RREB1: variants seen among roughly 807,000 people sequenced by gnomAD.
RREB1 encodes the protein ras-responsive element-binding protein 1.
In RREB1, 27 loss-of-function variants were observed where a neutral mutation model predicts 117.8. That is an observed-to-expected ratio of 0.23 (90% CI 0.17 to 0.32). The LOEUF (loss-of-function observed/expected upper bound fraction) is 0.32. RREB1 is among the 10% of genes least tolerant of loss of function. The pLI is 1.00. For missense variants in RREB1, 2,577 were observed against 2,378.2 expected (o/e 1.08, Z -1.74); for synonymous variants, 1,298 against 1,026.7 (o/e 1.26, Z -5.05).
intron 10 of RREB1, among the ~76,000 whole-genome samples, chr6:7,237,399 A>T (rs796896213): frequency 0.034 from 4,783 of 142,140 alleles, 216 homozygotes; most frequent in African/African-American, 0.11. Context: ...TTTTTTTATT[A>T]TTATTTGTTA....
At chr6:7,205,979 T>C (rs1284661197) in intron 6 of RREB1, among the ~76,000 whole-genome samples, 1 of 152,230 alleles carries the variant, frequency 6.6e-6, no homozygotes, top group Non-Finnish European at 1.5e-5. Flanking sequence ...ATATTTGTGT[T>C]CGTTCATCAC....
chr6:7,127,892 A>C (rs1223070541), intron 1 of RREB1, among the ~76,000 whole-genome samples: 2 of 151,834 alleles, frequency 1.3e-5, no homozygotes, highest in African/African-American at 4.8e-5. Context: ...CACCCCCTTC[A>C]CTGCAGCTGA....
At chr6:7,146,796 G>T (rs1762885254) in intron 1 of RREB1, among the ~76,000 whole-genome samples, 2 of 151,516 alleles carry the variant, frequency 1.3e-5, no homozygotes, top group South Asian at 4.2e-4. Context: ...AGGAGGTGGT[G>T]GGGGAGGGAG....
intron 8 of RREB1, among the ~76,000 whole-genome samples, chr6:7,220,795 C>T (rs970311964): frequency 6.6e-6 from 1 of 152,222 alleles, no homozygotes; most frequent in African/African-American, 2.4e-5. Flanking sequence ...TCTTTATGAG[C>T]CCCTGGCAGA....
At chr6:7,240,169 T>C (rs774530805) in intron 10 of RREB1, among the ~76,000 whole-genome samples, 3 of 152,212 alleles carry the variant, frequency 2.0e-5, no homozygotes, top group Non-Finnish European at 4.4e-5. Flanking sequence ...TGTAATACCG[T>C]TGTTTTACTT....
intron 8 of RREB1, among the ~76,000 whole-genome samples, chr6:7,222,245 C>A (rs1302499259): frequency 6.6e-6 from 1 of 152,182 alleles, no homozygotes; most frequent in Non-Finnish European, 1.5e-5. Context: ...TATACAGATT[C>A]TTAGGCCCAT....
intron 1 of RREB1, among the ~76,000 whole-genome samples, chr6:7,117,898 C>T (rs1204842032): frequency 6.6e-6 from 1 of 151,712 alleles, no homozygotes; most frequent in East Asian, 1.9e-4. Context: ...TTTAAAAAAG[C>T]AAAAAGAAGA....
intron 6 of RREB1, among the ~76,000 whole-genome samples, chr6:7,190,768 T>C (rs1005341607): frequency 6.6e-6 from 1 of 152,254 alleles, no homozygotes; most frequent in African/African-American, 2.4e-5. Context: ...CTGCTCGTTC[T>C]ACACCCCACA....
chr6:7,212,032 A>G (rs959820283), intron 8 of RREB1: 1 of 325,708 alleles, frequency 3.1e-6, no homozygotes, highest in African/African-American at 2.1e-5. Flanking sequence ...TTTTCTTCGC[A>G]AAAGATGTTG....
intron 1 of RREB1, among the ~76,000 whole-genome samples, chr6:7,162,687 A>G (rs935043644): frequency 1.3e-5 from 2 of 152,062 alleles, no homozygotes; most frequent in Admixed American, 6.5e-5. Context: ...ACAGTATAGA[A>G]TATTTTAAGC....
rs763825737 is a variant in RREB1 at position 7,211,676 on chromosome 6, C to A, written c.674C>A (p.Thr225Asn). 1 of 1,613,966 alleles carries A rather than the reference C, an allele frequency of 6.2e-7. No homozygotes were observed. The highest frequency in any genetic ancestry group is 2.2e-5 in the East Asian group (1 of 44,884). The change falls in exon 8 of 13, where the codon ACC (threonine) becomes AAC (asparagine). Residue 225 changes from threonine to asparagine, a missense_variant. Physicochemically the swap from Thr to Asn is moderately conservative, Grantham distance 65 (BLOSUM62 0). Transcript: ENST00000379938. ...TTTGTTTGCAAGTATGGACTGGAGA[C>A]CCACATGGAGACCCATTCAGATAAC... The part of the protein sequence containing the change: ...KEFVCKYGLE[T>N]HMETHSDNPL...
chr6:7,199,767 G>A (rs762633006), intron 6 of RREB1, among the ~76,000 whole-genome samples: 1 of 151,918 alleles, frequency 6.6e-6, no homozygotes, highest in Non-Finnish European at 1.5e-5. Context: ...AGGCTCAAGC[G>A]ATCCTCCCAC....
chr6:7,239,381 G>A (rs999352717), intron 10 of RREB1, among the ~76,000 whole-genome samples: 13 of 152,200 alleles, frequency 8.5e-5, no homozygotes, highest in Non-Finnish European at 1.6e-4. Flanking sequence ...TCCGCCTCCT[G>A]AAGGCCCCTG....
At chr6:7,185,974 G>A (rs183070390) in intron 4 of RREB1, among the ~76,000 whole-genome samples, 2 of 152,296 alleles carry the variant, frequency 1.3e-5, no homozygotes, top group African/African-American at 4.8e-5. Context: ...GTCTATTAGT[G>A]GTTGTGAAAA....
rs569914338 is a variant in RREB1 at position 7,165,781 on chromosome 6, G to A, written c.-284-10874G>A. The stretch of plus-strand genomic sequence containing the variant: ...TCTGGTGTTGACCCAATTATTGCCC[G>A]GGTATGAAAGAGTTTGAAGGAAGAG... On this transcript the variant is annotated intron_variant, in intron 1 of 12. Transcript: ENST00000379938. Among the ~76,000 whole-genome samples the A allele has an allele frequency of 2.1e-4, 32 of 152,204 alleles. No homozygotes were observed. The East Asian group carries it at 6.2e-3, about 29-fold the overall frequency.
intron 6 of RREB1, among the ~76,000 whole-genome samples, chr6:7,198,552 G>C (rs1021217688): frequency 6.6e-6 from 1 of 152,148 alleles, no homozygotes; most frequent in Non-Finnish European, 1.5e-5. Flanking sequence ...AGGGGTTCGT[G>C]TAAATGTGAT....
chr6:7,114,657 T>A (rs898349749), intron 1 of RREB1, among the ~76,000 whole-genome samples: 29 of 152,314 alleles, frequency 1.9e-4, no homozygotes, highest in African/African-American at 6.7e-4. Flanking sequence ...GTGCGCTGCC[T>A]GTATTGCATG....
intron 8 of RREB1, 141 bp from the exon 9 acceptor site, chr6:7,226,326 C>G: frequency 1.6e-6 from 1 of 630,950 alleles, no homozygotes; most frequent in Middle Eastern, 2.7e-4. Context: ...AGCCTGGCTT[C>G]TTGACATCAT....
At chr6:7,188,281 C>T (rs540312213) in intron 5 of RREB1, among the ~76,000 whole-genome samples, 24 of 151,464 alleles carry the variant, frequency 1.6e-4, no homozygotes, top group Middle Eastern at 3.4e-3. Flanking sequence ...GACGGAGTCT[C>T]GTTCTGTCGC....
Sources: gnomAD v4.1 joint callset for allele counts (sites outside exome capture counted in the v4.1 genomes callset) on GRCh38, gnomAD v4.1.1 for gene constraint, MANE v1.5 for transcripts, NCBI Gene and HGNC (gene_info 2026-07-23, HGNC 2026-07-21) for gene names.